ZNF503: variants seen among roughly 807,000 people sequenced by gnomAD.
The protein encoded by ZNF503 is NocA-like zinc finger 2.
Under a neutral mutation model 34.4 loss-of-function variants are expected in ZNF503, and 15 were observed. The observed-to-expected ratio is 0.44, with a 90% CI of 0.29 to 0.67. The LOEUF (loss-of-function observed/expected upper bound fraction) is 0.67. Ranked by LOEUF, ZNF503 falls within the 30% of genes least tolerant of loss-of-function variation. The pLI, the probability that ZNF503 is intolerant of heterozygous loss-of-function variation, is 0.13. For missense variants in ZNF503, 1,007 were observed against 926.8 expected, an observed-to-expected ratio of 1.09 and a Z score of -1.12; for synonymous variants, 580 against 456.8, an observed-to-expected ratio of 1.27 and a Z score of -3.44.
chr10:75,381,503 A>G, the ZNF503 span, among the ~76,000 whole-genome samples: 4 of 152,318 alleles, frequency 2.6e-5, no homozygotes, highest in African/African-American at 9.6e-5. Context: ...GATTACAGGC[A>G]TGAGCCACTG....
chr10:75,400,230 C>T lies in ZNF503; in HGVS notation c.460G>A (p.Asp154Asn). ...AGGGGGCCCGATTTGGTGTCCTTGT[C>T]GCCCGCAGCACCGCCGCCGGCACCG... Reference protein sequence around the residue: ...AGGAGGGAAGDKDTKSGPLKL... With the variant: ...AGGAGGGAAGNKDTKSGPLKL... Residue 154 changes from aspartate to asparagine, a missense_variant, in exon 2 of 2, where the codon GAC (aspartate) becomes AAC (asparagine). Transcript: ENST00000372524. The T allele has an allele frequency of 6.2e-7, 1 of 1,609,622 alleles. No individual in the cohort carries two copies. The highest frequency in any genetic ancestry group is 8.5e-7 in the Non-Finnish European group (1 of 1,178,770).
chr10:75,371,348 C>T, the ZNF503 span, among the ~76,000 whole-genome samples: 31 of 152,254 alleles, frequency 2.0e-4, no homozygotes, highest in East Asian at 5.8e-3. Flanking sequence ...ATGGTTTGAA[C>T]CCAAACACTG....
At chr10:75,369,225 G>A in the ZNF503 span, among the ~76,000 whole-genome samples, 2 of 152,190 alleles carry the variant, frequency 1.3e-5, no homozygotes, top group African/African-American at 2.4e-5. Context: ...AACTTTGAGC[G>A]AGAATTTCAT....
chr10:75,384,976 A>G, the ZNF503 span, among the ~76,000 whole-genome samples: 1 of 152,074 alleles, frequency 6.6e-6, no homozygotes, highest in Non-Finnish European at 1.5e-5. Context: ...TGGTGCTGAG[A>G]CCCCATGCTA....
chr10:75,401,893 G>A (rs1843835267), upstream of ZNF503: 3 of 190,418 alleles, frequency 1.6e-5, no homozygotes, highest in South Asian at 1.1e-4. Context: ...CGCCGCCGCC[G>A]CCGCCGCTGC....
In ZNF503 at chr10:75,401,755, C is replaced by T. The variant is rs1034786627; in HGVS notation, c.-336G>A. On this transcript the variant is annotated 5_prime_UTR_variant, in exon 1 of 2. Transcript: ENST00000372524. ...GCGATGCGAGCCGCTGCGTGTCCAG[C>T]CGGGGCTCTGGCGAGGAAACTCACT... 1 of 347,238 alleles carries T rather than the reference C, an allele frequency of 2.9e-6. No individual in the cohort carries two copies. Among genetic ancestry groups the T allele is most frequent in the Non-Finnish European group, 5.2e-6 (1 of 193,092 alleles). 21.5% of individuals were successfully genotyped at this position (347,238 alleles called of 1,614,324 possible).
At chr10:75,359,769 C>T in the ZNF503 span, among the ~76,000 whole-genome samples, 1 of 152,200 alleles carries the variant, frequency 6.6e-6, no homozygotes, top group Non-Finnish European at 1.5e-5. Context: ...GCTATTGCTG[C>T]AGCTCCTGGG....
At chr10:75,324,316 G>GTTTGTTTT in the ZNF503 span, among the ~76,000 whole-genome samples, 1 of 123,518 alleles carries the variant, frequency 8.1e-6, no homozygotes, top group South Asian at 3.4e-4. Context: ...TTTTTTGTTT[G>GTTTGTTTT]TTTGTTTTTC....
Position 75,400,301 on chromosome 10 carries a change from G to A in ZNF503, c.389C>T (p.Pro130Leu), listed in dbSNP as rs778291336. The A allele has an allele frequency of 1.2e-6, 2 of 1,613,160 alleles. No individual in the cohort carries two copies. The highest frequency in any genetic ancestry group is 1.7e-6 in the Non-Finnish European group (2 of 1,179,652). ...CSQIGKPDPSPSSKLSSVASN... is the reference protein window; with the variant it reads ...CSQIGKPDPSLSSKLSSVASN... Reference sequence around the variant, plus strand: ...GGCAACCGAGGAGAGTTTGGAGGAGGGCGAGGGGTCGGGCTTCCCGATCTG... The same window carrying A: ...GGCAACCGAGGAGAGTTTGGAGGAGAGCGAGGGGTCGGGCTTCCCGATCTG... Residue 130 changes from proline (P) to leucine (L), a missense_variant, in exon 2 of 2, where the codon CCC (proline) becomes CTC (leucine). Transcript: ENST00000372524.
At chr10:75,396,847 C>T (rs111979539), downstream of ZNF503, among the ~76,000 whole-genome samples, 5,271 of 152,188 alleles carry the variant, frequency 0.035, 319 homozygotes, top group African/African-American at 0.12. This position sits in a 1 kb window ranked among gnomAD's most constrained non-coding sequence, Gnocchi z 4.4. Flanking sequence ...CCCCTCCCCC[C>T]AAAAGGGACT....
chr10:75,334,257 A>G, the ZNF503 span, among the ~76,000 whole-genome samples: 1 of 152,160 alleles, frequency 6.6e-6, no homozygotes, highest in South Asian at 2.1e-4. Flanking sequence ...GGCGGCCTAA[A>G]TTTTTCAATT....
the ZNF503 span, among the ~76,000 whole-genome samples, chr10:75,301,521 G>A: frequency 1.2e-4 from 19 of 152,278 alleles, no homozygotes; most frequent in African/African-American, 2.9e-4. Flanking sequence ...GGTTACAGGC[G>A]TGAGCCACCA....
At chr10:75,380,804 A>G in the ZNF503 span, among the ~76,000 whole-genome samples, 4 of 152,140 alleles carry the variant, frequency 2.6e-5, no homozygotes, top group Non-Finnish European at 5.9e-5. Flanking sequence ...TCTGCAGAAG[A>G]GGTAATATTG....
chr10:75,299,613 C>A, the ZNF503 span, among the ~76,000 whole-genome samples: 1 of 152,162 alleles, frequency 6.6e-6, no homozygotes, highest in African/African-American at 2.4e-5. Context: ...GCAAAATTCA[C>A]CCCCAATATT....
chr10:75,291,664 T>C, the ZNF503 span, among the ~76,000 whole-genome samples: 1 of 152,176 alleles, frequency 6.6e-6, no homozygotes. Flanking sequence ...CTTAAACTTG[T>C]AGTCAGCTGA....
In ZNF503 at chr10:75,401,240, C is replaced by A. The variant is rs751770178; in HGVS notation, c.180G>T (p.Val60=). The A allele has an allele frequency of 1.2e-6, 2 of 1,606,994 alleles. No homozygotes were observed. The highest frequency in any genetic ancestry group is 1.7e-6 in the Non-Finnish European group (2 of 1,176,894). ...CCTGGCGCAGGGGGTCAGAGGGGGG[C>A]ACGGCGTGCACAAAAGGCTTGGTGC... ...AGSTKPFVHA[V]PPSDPLRQAN... Residue 60 remains valine (V), a synonymous_variant, in exon 1 of 2, where the codon GTG becomes GTT. Coordinates refer to ENST00000372524, the MANE Select transcript of ZNF503 (RefSeq NM_032772.6).
chr10:75,325,552 C>T, the ZNF503 span, among the ~76,000 whole-genome samples: 47 of 152,238 alleles, frequency 3.1e-4, no homozygotes, highest in Middle Eastern at 6.8e-3. Flanking sequence ...GGTTTGAGTT[C>T]TTTAACATTA....
chr10:75,295,672 C>T, the ZNF503 span: 1 of 152,162 alleles, frequency 6.6e-6, no homozygotes, highest in African/African-American at 2.4e-5. This position sits in a 1 kb window ranked among gnomAD's most constrained non-coding sequence, Gnocchi z 4.0. Context: ...TCCACAGCCC[C>T]TTCTTATATT....
At chr10:75,311,429 T>C in the ZNF503 span, among the ~76,000 whole-genome samples, 2 of 152,172 alleles carry the variant, frequency 1.3e-5, no homozygotes, top group Non-Finnish European at 2.9e-5. Flanking sequence ...ACACTCAATA[T>C]TAACCATTGC....
Sources: allele counts gnomAD v4.1 joint callset (sites outside exome capture counted in the v4.1 genomes callset), GRCh38; gene constraint gnomAD v4.1.1; non-coding constraint Gnocchi (gnomAD v3.1); transcripts MANE v1.5; gene names NCBI Gene and HGNC (gene_info 2026-07-23, HGNC 2026-07-21).